The following ZMIZ1 variants were observed in gnomAD, a reference collection of about 807,000 sequenced individuals.
ZMIZ1 encodes zinc finger MIZ-type containing 1, also known as zinc finger MIZ domain-containing protein 1.
Under a neutral mutation model 113.9 loss-of-function variants are expected in ZMIZ1, and 17 were observed. That is an observed-to-expected ratio of 0.15 (90% confidence interval 0.10 to 0.22). The LOEUF is 0.22. Ranked by LOEUF, ZMIZ1 falls within the 10% of genes least tolerant of loss-of-function variation. ZMIZ1 has a pLI of 1.00. For synonymous variants in ZMIZ1, 607 were observed against 603.1 expected (o/e 1.01, Z -0.09); for missense variants, 1,059 against 1,477.8 (o/e 0.72, Z 4.65).
chr10:79,247,179 AAG>A (rs1850257055), intron 7 of ZMIZ1, among the ~76,000 whole-genome samples: 1 of 152,082 alleles, frequency 6.6e-6, no homozygotes, highest in South Asian at 2.1e-4. Context: ...GCACACCAGA[AAG>A]AGGGTTCTTC....
intron 4 of ZMIZ1, among the ~76,000 whole-genome samples, chr10:79,165,332 C>T (rs966069335): frequency 2.6e-5 from 4 of 152,168 alleles, no homozygotes; most frequent in African/African-American, 7.2e-5. Context: ...CTCATTCTGG[C>T]CCTAATGTGG....
rs369675441 is a variant in ZMIZ1 at position 79,158,003 on chromosome 10, C to T, written c.-130-4050C>T. On this transcript the variant is annotated intron_variant, in intron 3 of 24. Transcript: ENST00000334512. ...GGATCAGTGTAGCGGGAGCTGGTTC[C>T]GCCAGCTTGGCCAGGGGAGCGGCGG... Among the ~76,000 whole-genome samples, 84 of 152,164 alleles carry T rather than the reference C, an allele frequency of 5.5e-4. 1 individual carries two copies. The highest frequency in any genetic ancestry group is 3.8e-4 in the East Asian group (2 of 5,202).
intron 2 of ZMIZ1, among the ~76,000 whole-genome samples, chr10:79,129,576 C>T (rs886122006): frequency 3.9e-5 from 6 of 152,190 alleles, no homozygotes; most frequent in African/African-American, 1.2e-4. Context: ...TCCCCTCTGC[C>T]AGCAGGAGGG....
chr10:79,295,561 G>A (rs1298623081), intron 12 of ZMIZ1: 1 of 152,244 alleles, frequency 6.6e-6, no homozygotes, highest in Non-Finnish European at 1.5e-5. Context: ...CACCAGCTAC[G>A]TCTTCTATAC....
intron 8 of ZMIZ1, among the ~76,000 whole-genome samples, chr10:79,280,876 G>A: frequency 6.6e-6 from 1 of 152,136 alleles, no homozygotes; most frequent in East Asian, 1.9e-4. Flanking sequence ...CTGAGCACAG[G>A]CTGCAGCTGC....
intron 23 of ZMIZ1, among the ~76,000 whole-genome samples, chr10:79,308,822 A>G (rs750765257): frequency 1.3e-5 from 2 of 151,942 alleles, no homozygotes; most frequent in Admixed American, 6.6e-5. Flanking sequence ...CTGCGCCCTC[A>G]CAGTTCCTAA....
At chr10:79,311,273 G>A in intron 24 of ZMIZ1, 89 bp downstream of exon 24, 1 of 317,890 alleles carries the variant, frequency 3.1e-6, no homozygotes, top group Non-Finnish European at 5.5e-6. Context: ...AGGGCTCGAG[G>A]CCCCGAAGGG....
intron 7 of ZMIZ1, among the ~76,000 whole-genome samples, chr10:79,255,899 C>G (rs1373219972): frequency 6.6e-6 from 1 of 152,204 alleles, no homozygotes; most frequent in Non-Finnish European, 1.5e-5. Context: ...ATCACAGAGC[C>G]GCATTGTAAA....
At chr10:79,107,552 A>G (rs770733014) in intron 1 of ZMIZ1, among the ~76,000 whole-genome samples, 15 of 152,184 alleles carry the variant, frequency 9.9e-5, no homozygotes, top group Non-Finnish European at 1.9e-4. Context: ...GTTCACCACG[A>G]AAGAGCGTTC....
At chr10:79,302,875 T>TG (rs1854419586) in intron 18 of ZMIZ1, among the ~76,000 whole-genome samples, 1 of 146,416 alleles carries the variant, frequency 6.8e-6, no homozygotes, top group Non-Finnish European at 1.5e-5. Context: ...TTTTTTTTTT[T>TG]TTTTGAGACG....
chr10:79,118,963 C>T lies in ZMIZ1; in HGVS notation c.-288C>T, dbSNP rs937931789. On this transcript the variant is annotated 5_prime_UTR_variant, in exon 2 of 25. Transcript: ENST00000334512. The surrounding 1 kb of genome is among the most constrained non-coding windows in gnomAD (Gnocchi z 4.1). ...TTTCGTACTACTGCTGGGGCTGCCA[C>T]CTCCTCCTCCAGACGCTCTCAGCAG... 4 of 152,622 alleles carry T rather than the reference C, an allele frequency of 2.6e-5. No individual in the cohort carries two copies. The highest frequency in any genetic ancestry group is 1.3e-4 in the Admixed American group (2 of 15,288). The allele number at this position is 152,622 out of a possible 1,614,324, so 9.5% of individuals were successfully genotyped here.
chr10:79,305,755 G>A (rs1191082142), intron 21 of ZMIZ1, among the ~76,000 whole-genome samples, 154 bp downstream of exon 21: 1 of 152,086 alleles, frequency 6.6e-6, no homozygotes, highest in Non-Finnish European at 1.5e-5. Flanking sequence ...TACCCTCGGG[G>A]GCCTCTGGAT....
At chr10:79,153,406 C>T (rs1469996529) in intron 3 of ZMIZ1, among the ~76,000 whole-genome samples, 1 of 152,230 alleles carries the variant, frequency 6.6e-6, no homozygotes, top group Admixed American at 6.5e-5. Flanking sequence ...TTGCCTAGGT[C>T]AAGGGCTGGA....
chr10:79,216,252 C>G lies in ZMIZ1; in HGVS notation c.258C>G (p.Asp86Glu). 6.3e-7 allele frequency: 1 copy of G among 1,591,916 alleles called. No individual in the cohort carries two copies. Among genetic ancestry groups the G allele is most frequent in the Non-Finnish European group, 8.6e-7 (1 of 1,169,108 alleles). Residue 86 changes from aspartate (D) to glutamate (E), a missense_variant, in exon 7 of 25, where the codon GAC (aspartate) becomes GAG (glutamate). By Grantham distance (45) the Asp-to-Glu change is conservative. Coordinates refer to ENST00000334512, the MANE Select transcript of ZMIZ1 (RefSeq NM_020338.4). The part of the protein sequence containing the change: ...RLLAVCAANR[D>E]KFTPKSAALL... The stretch of plus-strand genomic sequence containing the variant: ...TGGCTGTGTGTGCTGCAAACCGAGA[C>G]AAGTTCACCCCGAAGTCTGCCGGTA...
intron 3 of ZMIZ1, among the ~76,000 whole-genome samples, chr10:79,157,373 GTGT>G (rs1317477667): frequency 4.2e-5 from 2 of 48,000 alleles, no homozygotes; most frequent in East Asian, 8.9e-4. Context: ...TAAGGGGTGT[GTGT>G]GTGTGTGTGT....
chr10:79,307,386 C>T lies in ZMIZ1; in HGVS notation c.2669-19C>T, dbSNP rs201051621. Reference sequence around the variant, plus strand: ...CCCTCTGGGTGACCCCCTCCCCTCCCCATCTCATCCCTTCCTAGGCAACAA... The same window carrying T: ...CCCTCTGGGTGACCCCCTCCCCTCCTCATCTCATCCCTTCCTAGGCAACAA... On this transcript the variant is annotated intron_variant, in intron 22 of 24. Transcript: ENST00000334512. 3.7e-6 allele frequency: 6 copies of T among 1,610,542 alleles called. No individual in the cohort carries two copies. Among genetic ancestry groups the T allele is most frequent in the Admixed American group, 1.7e-5 (1 of 59,568 alleles).
At chr10:79,146,057 G>T (rs1039429784) in intron 3 of ZMIZ1, among the ~76,000 whole-genome samples, 4 of 152,076 alleles carry the variant, frequency 2.6e-5, no homozygotes, top group Admixed American at 6.5e-5. Context: ...TTCATTTTTT[G>T]CGGCCTTCCT....
Position 79,312,725 on chromosome 10 carries a change from C to T in ZMIZ1, c.3180C>T (p.Leu1060=), listed in dbSNP as rs1855278077. Residue 1060 remains leucine (L), a synonymous_variant, in exon 25 of 25, where the codon CTC becomes CTT. Transcript: ENST00000334512. ...PDLPSNSNDD[L]LSLFENN is the part of the protein sequence containing the mutation. ...TGCCGAGCAATAGTAACGATGACCT[C>T]CTGTCTCTATTTGAGAACAACTGAG... is the stretch of plus-strand genomic sequence containing the variant. 2 of 1,614,242 alleles carry T rather than the reference C, an allele frequency of 1.2e-6. No individual in the cohort carries two copies. Among genetic ancestry groups the T allele is most frequent in the Non-Finnish European group, 1.7e-6 (2 of 1,180,030 alleles).
intron 7 of ZMIZ1, among the ~76,000 whole-genome samples, chr10:79,267,814 G>A (rs183082843): frequency 6.6e-6 from 1 of 152,336 alleles, no homozygotes; most frequent in East Asian, 1.9e-4. Context: ...CCAGGCCAGT[G>A]AGCAGGAGAG....
Sources: gnomAD v4.1 joint callset for allele counts (sites outside exome capture counted in the v4.1 genomes callset) on GRCh38, gnomAD v4.1.1 for gene constraint, Gnocchi (gnomAD v3.1) non-coding constraint, MANE v1.5 for transcripts, NCBI Gene and HGNC (gene_info 2026-07-23, HGNC 2026-07-21) for gene names.